ADAM17: variants seen among roughly 807,000 people sequenced by gnomAD.
ADAM17 encodes ADAM metallopeptidase domain 17, also known as disintegrin and metalloproteinase domain-containing protein 17.
A neutral mutation model predicts 96.7 loss-of-function variants in ADAM17; 39 were observed. That is an observed-to-expected ratio of 0.40 (90% CI 0.31 to 0.53). The LOEUF (loss-of-function observed/expected upper bound fraction) is 0.53, where lower values mean the gene tolerates loss of function less well. Among genes scored for constraint, ADAM17 ranks in the 20% least tolerant of loss-of-function variants. ADAM17 has a pLI of 0.44. For missense variants in ADAM17, 777 were observed against 1,013.2 expected (o/e 0.77, Z 3.17); for synonymous variants, 344 against 359.2 (o/e 0.96, Z 0.48).
intron 10 of ADAM17, among the ~76,000 whole-genome samples, chr2:9,512,654 G>A (rs1042411503): frequency 3.9e-5 from 6 of 152,194 alleles, no homozygotes; most frequent in African/African-American, 7.2e-5. Flanking sequence ...TTACTGTGGA[G>A]GGAGGAATGC....
At chr2:9,505,619 G>A (rs1663342263) in intron 11 of ADAM17, 1 of 475,924 alleles carries the variant, frequency 2.1e-6, no homozygotes, top group Admixed American at 3.3e-5. Context: ...AGGTAAGCAA[G>A]CTATACAAAT....
chr2:9,545,146 G>A (rs888497838), intron 1 of ADAM17, among the ~76,000 whole-genome samples: 6 of 152,112 alleles, frequency 3.9e-5, no homozygotes, highest in African/African-American at 1.4e-4. Flanking sequence ...ATCATCAACT[G>A]GGAATTTGTT....
intron 1 of ADAM17, among the ~76,000 whole-genome samples, chr2:9,544,941 G>A (rs574937438): frequency 3.3e-5 from 5 of 152,282 alleles, no homozygotes; most frequent in East Asian, 3.9e-4. Flanking sequence ...CAAACTGCAC[G>A]AATTCTCAGT....
At chr2:9,531,480 TCACCTGA>T (rs1664737436) in intron 4 of ADAM17, among the ~76,000 whole-genome samples, 1 of 151,486 alleles carries the variant, frequency 6.6e-6, no homozygotes, top group Non-Finnish European at 1.5e-5. Context: ...CGCGGGTGGA[TCACCTGA>T]GACCAGGAGT....
rs1664148029 is a variant in ADAM17 at position 9,518,158 on chromosome 2, T to G, written c.1047A>C (p.Gly349=). The part of the protein sequence containing the change: ...TYQDFDMGTL[G]LAYVGSPRAN... ...CTCTGGGAGAGCCAACATAAGCTAA[T>G]CCAAGAGTTCCCATATCAAAATCTT... The change falls in exon 9 of 19, where the codon GGA becomes GGC. Residue 349 remains glycine, a synonymous_variant. Transcript: ENST00000310823. The G allele has an allele frequency of 3.1e-6, 5 of 1,600,434 alleles. No individual in the cohort carries two copies. The Admixed American group carries it at 8.8e-5, about 28-fold the overall frequency.
In ADAM17 at chr2:9,518,212, T is replaced by C. The variant is rs756928057; in HGVS notation, c.993A>G (p.Lys331=). The part of the protein sequence containing the change: ...FSFDIAEEAS[K]VCLAHLFTYQ... ...ATGTGAAAAGGTGTGCCAAGCAAAC[T>C]TTAGATGCTTCCTCAGCTATATCAA... Residue 331 remains lysine, a synonymous_variant, in exon 9 of 19, where the codon AAA becomes AAG. Transcript: ENST00000310823. 1 of 1,581,220 alleles carries C rather than the reference T, an allele frequency of 6.3e-7. No individual in the cohort carries two copies. Among genetic ancestry groups the C allele is most frequent in the Non-Finnish European group, 8.6e-7 (1 of 1,168,076 alleles).
chr2:9,524,182 TTAG>T (rs772302757), intron 6 of ADAM17, among the ~76,000 whole-genome samples: 4 of 152,174 alleles, frequency 2.6e-5, no homozygotes, highest in Non-Finnish European at 4.4e-5. Flanking sequence ...CAGTAGACTA[TTAG>T]TAGTTAAATT....
intron 12 of ADAM17, among the ~76,000 whole-genome samples, chr2:9,503,857 T>A (rs61527754): frequency 0.063 from 8,449 of 133,986 alleles, 885 homozygotes; most frequent in African/African-American, 0.22. Flanking sequence ...AAAAAAGAAA[T>A]AAAAGATTAT....
chr2:9,549,987 C>G (rs1220297276), intron 1 of ADAM17, among the ~76,000 whole-genome samples: 1 of 152,172 alleles, frequency 6.6e-6, no homozygotes, highest in Non-Finnish European at 1.5e-5. Flanking sequence ...TGTCATGCTC[C>G]TACTTCTGAT....
chr2:9,527,832 A>C lies in ADAM17; in HGVS notation c.573T>G (p.Asn191Lys). 1 of 1,605,350 alleles carries C rather than the reference A, an allele frequency of 6.2e-7. No individual in the cohort carries two copies. Among genetic ancestry groups the C allele is most frequent in the Non-Finnish European group, 8.5e-7 (1 of 1,176,786 alleles). Residue 191 changes from asparagine (N) to lysine (K), a missense_variant, in exon 5 of 19, where the codon AAT becomes AAG. Transcript: ENST00000310823. ...CTAACCCTTTTGGGAGCAACTCTTCATTATCCACTTTTAAATAACCACACA... is the reference window on the plus strand; with the variant it reads ...CTAACCCTTTTGGGAGCAACTCTTCCTTATCCACTTTTAAATAACCACACA... ...PKVCGYLKVDNEELLPKGLVD... is the reference protein window; with the variant it reads ...PKVCGYLKVDKEELLPKGLVD...
intron 11 of ADAM17, among the ~76,000 whole-genome samples, chr2:9,508,165 C>T (rs1335781495): frequency 2.0e-5 from 3 of 152,190 alleles, no homozygotes; most frequent in African/African-American, 7.2e-5. Flanking sequence ...TGACCTATTA[C>T]TTAGAGAAAC....
chr2:9,522,601 T>C (rs779394586), intron 7 of ADAM17, among the ~76,000 whole-genome samples: 13 of 152,196 alleles, frequency 8.5e-5, no homozygotes, highest in South Asian at 2.1e-4. Context: ...TATAAAAATA[T>C]GGTTTACTAC....
chr2:9,526,330 G>A, intron 5 of ADAM17, 86 bp from the exon 6 acceptor site: 2 of 1,379,214 alleles, frequency 1.5e-6, no homozygotes, highest in Non-Finnish European at 2.0e-6. Context: ...ACATATTTTT[G>A]AAACAAACAT....
chr2:9,506,263 A>G (rs1295208197), intron 11 of ADAM17, among the ~76,000 whole-genome samples: 1 of 152,046 alleles, frequency 6.6e-6, no homozygotes, highest in African/African-American at 2.4e-5. Flanking sequence ...TGTAACCACC[A>G]AATCAGACAC....
chr2:9,489,354 A>G lies in ADAM17; in HGVS notation c.*823T>C, dbSNP rs1167602778. The stretch of plus-strand genomic sequence containing the variant: ...AACCTCAGCCTCTCCAAGTGCTGGG[A>G]TTACAGGCATGAGCCACCACTCCCA... On this transcript the variant is annotated 3_prime_UTR_variant, in exon 19 of 19. Transcript: ENST00000310823. The G allele has an allele frequency of 2.1e-5, 3 of 140,744 alleles. No homozygotes were observed. The highest frequency in any genetic ancestry group is 5.5e-5 in the African/African-American group (2 of 36,456). The allele number at this position is 140,744 out of a possible 1,614,324, so 8.7% of individuals were successfully genotyped here.
At chr2:9,548,993 T>C (rs762690730) in intron 1 of ADAM17, among the ~76,000 whole-genome samples, 4 of 152,224 alleles carry the variant, frequency 2.6e-5, no homozygotes, top group Admixed American at 6.5e-5. Context: ...TTCACTTTAA[T>C]GCATTGACAT....
intron 12 of ADAM17, among the ~76,000 whole-genome samples, chr2:9,504,963 C>T (rs184328510): frequency 1.3e-5 from 2 of 152,192 alleles, no homozygotes; most frequent in East Asian, 3.9e-4. Flanking sequence ...CTCAGCCTCC[C>T]AGAGTGCTGG....
At chr2:9,530,533 T>C (rs2125029598) in intron 4 of ADAM17, among the ~76,000 whole-genome samples, 1 of 152,356 alleles carries the variant, frequency 6.6e-6, no homozygotes, top group South Asian at 2.1e-4. Flanking sequence ...GCTATTACCA[T>C]TATTACTAGT....
At chr2:9,516,590 C>G (rs913266961) in intron 10 of ADAM17, among the ~76,000 whole-genome samples, 1 of 151,464 alleles carries the variant, frequency 6.6e-6, no homozygotes, top group Non-Finnish European at 1.5e-5. Flanking sequence ...GTCTCTAAAA[C>G]AAAAATACAA....
Sources: allele counts gnomAD v4.1 joint callset (sites outside exome capture counted in the v4.1 genomes callset), GRCh38; gene constraint gnomAD v4.1.1; transcripts MANE v1.5; gene names NCBI Gene and HGNC (gene_info 2026-07-23, HGNC 2026-07-21).